Variants in ANKRD30A observed in about 807,000 individuals in gnomAD.
The protein encoded by ANKRD30A is ankyrin repeat domain-containing protein 30A.
In ANKRD30A, 170 loss-of-function variants were observed where a neutral mutation model predicts 166.3. That is an observed-to-expected ratio of 1.02 (90% CI 0.90 to 1.16). ANKRD30A has a LOEUF of 1.16. Ranked by LOEUF, ANKRD30A falls within the 50% of genes most tolerant of loss-of-function variation. ANKRD30A has a pLI of 0.00. For synonymous variants in ANKRD30A, 564 were observed against 508.9 expected (o/e 1.11, Z -1.46); for missense variants, 1,630 against 1,518.0 (o/e 1.07, Z -1.23).
chr10:37,125,654 A>G lies in ANKRD30A; in HGVS notation c.-134A>G, dbSNP rs141172730. On this transcript the variant is annotated 5_prime_UTR_variant, in exon 1 of 36. Coordinates refer to ENST00000361713, the MANE Select transcript of ANKRD30A (RefSeq NM_052997.3). ...GCCTGAGTGTGCAAGAGCTTGGCGA[A>G]CACAGAACTTTTTACGGGTATCGAG... 1 of 400,028 alleles carries G rather than the reference A, an allele frequency of 2.5e-6. No homozygotes were observed. The highest frequency in any genetic ancestry group is 4.7e-5 in the East Asian group (1 of 21,056). 24.8% of individuals were successfully genotyped at this position (400,028 alleles called of 1,614,324 possible).
chr10:37,252,063 G>A, the ANKRD30A span, among the ~76,000 whole-genome samples: 10 of 152,164 alleles, frequency 6.6e-5, no homozygotes, highest in African/African-American at 2.4e-4. Flanking sequence ...GTCCTGTCAA[G>A]CATAGTCGAG....
chr10:37,265,876 C>A, the ANKRD30A span, among the ~76,000 whole-genome samples: 1 of 152,198 alleles, frequency 6.6e-6, no homozygotes, highest in Non-Finnish European at 1.5e-5. Context: ...AGTAAACAAA[C>A]CCCCCTGGGT....
chr10:37,158,940 A>G (rs1454904792), intron 15 of ANKRD30A, among the ~76,000 whole-genome samples: 1 of 152,172 alleles, frequency 6.6e-6, no homozygotes, highest in Middle Eastern at 3.2e-3. Flanking sequence ...CTTTACTTAG[A>G]AGAAAGTTTC....
At chr10:37,200,709 G>A (rs138603404) in intron 30 of ANKRD30A, among the ~76,000 whole-genome samples, 221 of 151,964 alleles carry the variant, frequency 1.5e-3, no homozygotes, top group African/African-American at 5.0e-3. Flanking sequence ...CTGATTTTAA[G>A]CCCTTGTTTA....
intron 13 of ANKRD30A, among the ~76,000 whole-genome samples, chr10:37,156,632 T>C (rs980123118): frequency 6.6e-6 from 1 of 152,202 alleles, no homozygotes; most frequent in Non-Finnish European, 1.5e-5. Flanking sequence ...TTTGGTTACA[T>C]ATTCATTTCC....
At chr10:37,196,184 C>CT (rs1841090043) in intron 27 of ANKRD30A, among the ~76,000 whole-genome samples, 1 of 146,840 alleles carries the variant, frequency 6.8e-6, no homozygotes, top group African/African-American at 2.5e-5. Context: ...TCTGGAGACT[C>CT]TGAGCAAAAC....
intron 6 of ANKRD30A, among the ~76,000 whole-genome samples, chr10:37,138,553 C>A (rs1226954085): frequency 6.6e-6 from 1 of 152,118 alleles, no homozygotes; most frequent in East Asian, 1.9e-4. Context: ...GAGCTGAAAA[C>A]CAAGGCACGA....
At chr10:37,150,156 CT>C (rs1176656891) in intron 11 of ANKRD30A, among the ~76,000 whole-genome samples, 2 of 152,016 alleles carry the variant, frequency 1.3e-5, no homozygotes, top group Non-Finnish European at 2.9e-5. Flanking sequence ...CTCTTAACTT[CT>C]TTTAGTTCTT....
intron 27 of ANKRD30A, among the ~76,000 whole-genome samples, chr10:37,196,340 G>C (rs1008974202): frequency 6.6e-5 from 10 of 151,950 alleles, no homozygotes; most frequent in African/African-American, 1.5e-4. Flanking sequence ...TTACAATGAG[G>C]CATGACAAAT....
At chr10:37,190,067 A>G (rs1036983820) in intron 25 of ANKRD30A, among the ~76,000 whole-genome samples, 1 of 151,926 alleles carries the variant, frequency 6.6e-6, no homozygotes, top group African/African-American at 2.4e-5. Flanking sequence ...TAGGGATGGA[A>G]GCACCTGACC....
In ANKRD30A at chr10:37,129,444, AAGT is replaced by A. The variant is rs1164736429; in HGVS notation, c.222-441_222-439del. 2.0e-5 allele frequency among the ~76,000 whole-genome samples: 3 copies of A among 152,216 alleles called. No individual in the cohort carries two copies. The East Asian group carries it at 5.8e-4, about 29-fold the overall frequency. On this transcript the variant is annotated intron_variant, in intron 1 of 35. Coordinates refer to ENST00000361713, the MANE Select transcript of ANKRD30A (RefSeq NM_052997.3). ...TTTTACTTAAAATGCTGTCTTTGTT[AAGT>A]AGTAGTAATAATTATAATACCTAAC...
chr10:37,220,723 C>T (rs1015698526), intron 34 of ANKRD30A, among the ~76,000 whole-genome samples: 65 of 151,106 alleles, frequency 4.3e-4, no homozygotes, highest in Non-Finnish European at 8.7e-4. Flanking sequence ...ATCATTGTAG[C>T]TCTCTGTGAT....
rs983644389 is a variant in ANKRD30A at position 37,218,918 on chromosome 10, A to G, written c.3268-62A>G. On this transcript the variant is annotated intron_variant, in intron 33 of 35. Transcript: ENST00000361713. ...AATGTACAAGTTATTCTTTAGTTTC[A>G]GAGGAACCATGATATGCCATTTTAT... 2.4e-5 allele frequency: 26 copies of G among 1,092,270 alleles called. No individual in the cohort carries two copies. In the African/African-American group the frequency reaches 2.9e-4, roughly 12 times the overall value. The allele number at this position is 1,092,270 out of a possible 1,614,324, so 67.7% of individuals were successfully genotyped here. A position where few individuals can be genotyped will look rare whatever the true frequency, so the allele number is the denominator to read the frequency against.
At chr10:37,243,168 T>C in the ANKRD30A span, among the ~76,000 whole-genome samples, 8 of 150,098 alleles carry the variant, frequency 5.3e-5, no homozygotes, top group Admixed American at 3.3e-4. Context: ...GGAGTCTCGC[T>C]CTGTCGCCCA....
At chr10:37,165,017 A>G (rs1839201212) in intron 17 of ANKRD30A, 77 bp from the exon 18 acceptor site, 1 of 1,424,006 alleles carries the variant, frequency 7.0e-7, no homozygotes, top group Non-Finnish European at 9.9e-7. Flanking sequence ...CGTGAATGAA[A>G]GTAGATTTGT....
intron 27 of ANKRD30A, 126 bp from the exon 28 acceptor site, chr10:37,197,154 TC>T: frequency 7.4e-7 from 1 of 1,355,112 alleles, no homozygotes; most frequent in Non-Finnish European, 1.1e-6. Context: ...AAGAAAACTT[TC>T]CAAATCTAAA....
Position 37,196,846 on chromosome 10 carries a change from C to T in ANKRD30A, c.2615-435C>T, listed in dbSNP as rs376057718. Among the ~76,000 whole-genome samples the T allele has an allele frequency of 9.2e-5, 14 of 152,122 alleles. 1 individual carries two copies. Among genetic ancestry groups the T allele is most frequent in the African/African-American group, 2.9e-4 (12 of 41,418 alleles). Reference sequence around the variant, plus strand: ...CCAAGCTGATCAATTCAAAACACTTCAGTGACGAGATGTCAGTTGTACATT... The same window carrying T: ...CCAAGCTGATCAATTCAAAACACTTTAGTGACGAGATGTCAGTTGTACATT... On this transcript the variant is annotated intron_variant, in intron 27 of 35. Coordinates refer to ENST00000361713, the MANE Select transcript of ANKRD30A (RefSeq NM_052997.3).
intron 1 of ANKRD30A, among the ~76,000 whole-genome samples, chr10:37,127,368 C>A (rs1255368903): frequency 1.3e-5 from 2 of 152,124 alleles, no homozygotes; most frequent in African/African-American, 2.4e-5. Flanking sequence ...TACACAGATA[C>A]ATTTTTATCT....
At chr10:37,133,112 C>T (rs557431024) in intron 4 of ANKRD30A, among the ~76,000 whole-genome samples, 8 of 152,224 alleles carry the variant, frequency 5.3e-5, no homozygotes, top group Admixed American at 3.3e-4. Flanking sequence ...GTTATCCCTA[C>T]GTGACTATTA....
Sources: allele counts gnomAD v4.1 joint callset (sites outside exome capture counted in the v4.1 genomes callset), GRCh38; gene constraint gnomAD v4.1.1; transcripts MANE v1.5; gene names NCBI Gene and HGNC (gene_info 2026-07-23, HGNC 2026-07-21).